The following ASAP1 variants were observed in gnomAD, a reference collection of about 807,000 sequenced individuals.
ASAP1 encodes arf-GAP with SH3 domain, ANK repeat and PH domain-containing protein 1.
Under a neutral mutation model 145.2 loss-of-function variants are expected in ASAP1, and 43 were observed. The ratio of observed to expected loss-of-function variants is 0.30; its 90% CI spans 0.23 to 0.38. ASAP1 has a LOEUF of 0.38. ASAP1 is among the 10% of genes least tolerant of loss of function. The probability of loss-of-function intolerance (pLI) is 1.00; values close to 1 mark genes in which losing one functional copy is unlikely to be tolerated. For synonymous variants in ASAP1, 546 were observed against 515.5 expected (o/e 1.06, Z -0.80); for missense variants, 1,018 against 1,355.3 (o/e 0.75, Z 3.91).
intron 15 of ASAP1, among the ~76,000 whole-genome samples, chr8:130,130,436 T>A (rs2097581256): frequency 6.6e-6 from 1 of 152,188 alleles, no homozygotes; most frequent in African/African-American, 2.4e-5. Context: ...AAAGTATATT[T>A]AAAGGATAAT....
intron 24 of ASAP1, among the ~76,000 whole-genome samples, chr8:130,095,423 C>G (rs1185075942): frequency 6.6e-6 from 1 of 151,420 alleles, no homozygotes; most frequent in Non-Finnish European, 1.5e-5. Flanking sequence ...GCCTCAGCCT[C>G]CCAAGTAGCT....
At chr8:130,372,018 T>C (rs1028082349) in intron 2 of ASAP1, among the ~76,000 whole-genome samples, 6 of 152,302 alleles carry the variant, frequency 3.9e-5, no homozygotes, top group South Asian at 2.1e-4. Context: ...GTGTTTGGGA[T>C]TGTATATTTA....
At chr8:130,363,639 A>G (rs1379468495) in intron 2 of ASAP1, among the ~76,000 whole-genome samples, 1 of 152,182 alleles carries the variant, frequency 6.6e-6, no homozygotes, top group East Asian at 1.9e-4. Context: ...TCATTCATAT[A>G]ACAGTCCTGA....
At chr8:130,362,832 G>GT (rs1826780055) in intron 2 of ASAP1, among the ~76,000 whole-genome samples, 1 of 152,116 alleles carries the variant, frequency 6.6e-6, no homozygotes, top group Non-Finnish European at 1.5e-5. Flanking sequence ...AAGATGAGAA[G>GT]TAAGTTAAGA....
chr8:130,095,947 T>C (rs7833007), intron 24 of ASAP1, among the ~76,000 whole-genome samples: 85,145 of 151,928 alleles, frequency 0.56, 24,071 homozygotes, highest in East Asian at 0.68. Context: ...GAGGCCAATA[T>C]GTTTCACTTA....
intron 3 of ASAP1, among the ~76,000 whole-genome samples, chr8:130,323,927 G>T (rs746745003): frequency 6.6e-6 from 1 of 152,104 alleles, no homozygotes; most frequent in Non-Finnish European, 1.5e-5. Context: ...GCAGATGCAG[G>T]AGCAATTGTC....
intron 2 of ASAP1, among the ~76,000 whole-genome samples, chr8:130,380,984 A>G (rs920383401): frequency 2.0e-5 from 3 of 152,126 alleles, no homozygotes; most frequent in African/African-American, 7.2e-5. Flanking sequence ...CCCGGGTTCA[A>G]GTGACTCTCC....
chr8:130,111,210 CAA>C (rs768575084), intron 24 of ASAP1, among the ~76,000 whole-genome samples: 114 of 41,684 alleles, frequency 2.7e-3, no homozygotes, highest in Middle Eastern at 0.024. Flanking sequence ...TCATCTCTAC[CAA>C]AAAAAAAAAA....
intron 9 of ASAP1, 156 bp downstream of exon 9, chr8:130,179,108 G>A (rs1167052210): frequency 7.9e-6 from 4 of 504,880 alleles, no homozygotes; most frequent in Non-Finnish European, 1.4e-5. Flanking sequence ...ACTGAAGATG[G>A]AAGACACTAT....
chr8:130,158,041 T>C (rs2135998892), intron 12 of ASAP1, among the ~76,000 whole-genome samples: 1 of 152,292 alleles, frequency 6.6e-6, no homozygotes, highest in East Asian at 1.9e-4. Flanking sequence ...AATATCTTTG[T>C]TGAATGCATG....
chr8:130,092,190 C>G (rs780149638), intron 24 of ASAP1, 47 bp from the exon 25 acceptor site: 6 of 1,535,834 alleles, frequency 3.9e-6, no homozygotes, highest in Non-Finnish European at 5.2e-6. Context: ...CCCAGTCTCA[C>G]AGATACAAAA....
At chr8:130,327,843 A>T (rs1824434994) in intron 3 of ASAP1, among the ~76,000 whole-genome samples, 1 of 152,210 alleles carries the variant, frequency 6.6e-6, no homozygotes, top group African/African-American at 2.4e-5. Flanking sequence ...GAATATAGTT[A>T]AAAAACACTG....
intron 25 of ASAP1, among the ~76,000 whole-genome samples, chr8:130,087,810 C>A (rs924665797): frequency 1.4e-4 from 21 of 152,186 alleles, no homozygotes; most frequent in African/African-American, 5.1e-4. Flanking sequence ...ACAACTATTA[C>A]CCCCAAATCT....
At chr8:130,139,922 T>TA (rs59704449) in intron 13 of ASAP1, among the ~76,000 whole-genome samples, 25,719 of 139,862 alleles carry the variant, frequency 0.18, 2,738 homozygotes, top group East Asian at 0.45. Flanking sequence ...ATACAAATCT[T>TA]AAAAAAAAAA....
intron 3 of ASAP1, among the ~76,000 whole-genome samples, chr8:130,276,734 T>A (rs796351797): frequency 0.017 from 1,887 of 109,310 alleles, 31 homozygotes; most frequent in African/African-American, 0.047. Context: ...ACACACTCTC[T>A]CTCTCTCTCT....
chr8:130,398,247 G>GA (rs1828623120), intron 2 of ASAP1, among the ~76,000 whole-genome samples: 1 of 152,202 alleles, frequency 6.6e-6, no homozygotes, highest in African/African-American at 2.4e-5. Context: ...CACAACCACA[G>GA]AAACCTGCCT....
chr8:130,417,597 C>A (rs528223617), intron 1 of ASAP1, among the ~76,000 whole-genome samples: 1 of 151,750 alleles, frequency 6.6e-6, no homozygotes, highest in Non-Finnish European at 1.5e-5. Flanking sequence ...GACAGAAAAC[C>A]CCACAAGTCC....
intron 3 of ASAP1, among the ~76,000 whole-genome samples, chr8:130,328,030 A>G (rs867617644): frequency 6.6e-6 from 1 of 152,170 alleles, no homozygotes; most frequent in Middle Eastern, 3.2e-3. Flanking sequence ...AAAAATATAT[A>G]TATACACACT....
intron 25 of ASAP1, among the ~76,000 whole-genome samples, chr8:130,088,122 C>G (rs2097497681): frequency 6.6e-6 from 1 of 152,108 alleles, no homozygotes; most frequent in African/African-American, 2.4e-5. Flanking sequence ...AGTTAAGGAT[C>G]TTGAGACAAG....
Sources: gnomAD v4.1 joint callset for allele counts (sites outside exome capture counted in the v4.1 genomes callset) on GRCh38, gnomAD v4.1.1 for gene constraint, MANE v1.5 for transcripts, NCBI Gene and HGNC (gene_info 2026-07-23, HGNC 2026-07-21) for gene names.